The following SMYD3 variants were observed in gnomAD, a reference collection of about 807,000 sequenced individuals.
SMYD3 encodes histone-lysine N-methyltransferase SMYD3.
SMYD3 carries 36 observed loss-of-function variants against 57.7 expected under a neutral mutation model. The observed-to-expected ratio is 0.62, with a 90% CI of 0.48 to 0.82. The LOEUF is 0.82. Ranked by LOEUF, SMYD3 falls within the 40% of genes least tolerant of loss-of-function variation. SMYD3 has a pLI of 0.00. For synonymous variants in SMYD3, 211 were observed against 195.0 expected (o/e 1.08, Z -0.68); for missense variants, 515 against 538.8 (o/e 0.96, Z 0.44).
rs10581690 is a variant in SMYD3 at position 246,352,136 on chromosome 1, CAAAAAAAAA to C, written c.228+2886_228+2894del. On this transcript the variant is annotated intron_variant, in intron 2 of 11. Coordinates refer to ENST00000490107, the MANE Select transcript of SMYD3 (RefSeq NM_001167740.2). Reference sequence around the variant, plus strand: ...TGGGCAGCAGACTAAGACTCTGTCTCAAAAAAAAAAAAAAAAAAAAAAAAAAACATAAAG... The same window carrying C: ...TGGGCAGCAGACTAAGACTCTGTCTCAAAAAAAAAAAAAAAAAACATAAAG... Among the ~76,000 whole-genome samples, 20 of 60,478 alleles carry C rather than the reference CAAAAAAAAA, an allele frequency of 3.3e-4. No individual in the cohort carries two copies. In the South Asian group the frequency reaches 0.012, roughly 36 times the overall value. The allele number at this position is 60,478 out of a possible 152,430, so 39.7% of individuals were successfully genotyped here. A position where few individuals can be genotyped will look rare whatever the true frequency, so the allele number is the denominator to read the frequency against.
intron 5 of SMYD3, among the ~76,000 whole-genome samples, chr1:246,170,132 A>C (rs1049936672): frequency 1.3e-5 from 2 of 152,132 alleles, no homozygotes; most frequent in African/African-American, 4.8e-5. Flanking sequence ...CTTAAGAAAA[A>C]ATAATTTGGG....
At chr1:246,058,170 T>A (rs1007711517) in intron 5 of SMYD3, among the ~76,000 whole-genome samples, 1 of 152,226 alleles carries the variant, frequency 6.6e-6, no homozygotes, top group African/African-American at 2.4e-5. Flanking sequence ...AGTATTCATC[T>A]GTCCAAACAC....
At chr1:245,757,662 C>T (rs190391807) in intron 11 of SMYD3, among the ~76,000 whole-genome samples, 38 of 152,258 alleles carry the variant, frequency 2.5e-4, no homozygotes, top group African/African-American at 8.4e-4. Context: ...GCTTCCCCAA[C>T]ACTATTTGTT....
chr1:246,185,078 G>GA (rs2062610927), intron 5 of SMYD3, among the ~76,000 whole-genome samples: 1 of 152,188 alleles, frequency 6.6e-6, no homozygotes, highest in Non-Finnish European at 1.5e-5. Context: ...AAAAGTCACA[G>GA]ACTTCAATAA....
At chr1:246,042,510 G>C (rs1018431455) in intron 5 of SMYD3, among the ~76,000 whole-genome samples, 2 of 152,130 alleles carry the variant, frequency 1.3e-5, no homozygotes, top group African/African-American at 4.8e-5. Context: ...TGCTCTTTGG[G>C]AACACCGTTC....
At chr1:245,947,537 T>C in intron 5 of SMYD3, 1 of 390,324 alleles carries the variant, frequency 2.6e-6, no homozygotes, top group South Asian at 1.8e-5. Flanking sequence ...GTGCCTGCAT[T>C]TCTAAACCAT....
intron 5 of SMYD3, among the ~76,000 whole-genome samples, chr1:246,004,906 G>A (rs10802318): frequency 0.17 from 26,531 of 152,108 alleles, 2,611 homozygotes; most frequent in East Asian, 0.43. Flanking sequence ...GAGCAGTGGT[G>A]CAATCATGAC....
At chr1:246,334,017 C>T (rs893028788) in intron 3 of SMYD3, among the ~76,000 whole-genome samples, 1 of 151,818 alleles carries the variant, frequency 6.6e-6, no homozygotes, top group Non-Finnish European at 1.5e-5. Context: ...ATCAAAACCA[C>T]AATGAGACAC....
chr1:245,967,542 C>T (rs2058188237), intron 5 of SMYD3, among the ~76,000 whole-genome samples: 1 of 152,150 alleles, frequency 6.6e-6, no homozygotes, highest in Non-Finnish European at 1.5e-5. Context: ...GCACTGTGAA[C>T]TTGTTTCAGC....
At chr1:246,416,159 T>C (rs369210019) in intron 1 of SMYD3, among the ~76,000 whole-genome samples, 5 of 152,222 alleles carry the variant, frequency 3.3e-5, no homozygotes, top group African/African-American at 1.2e-4. Context: ...GTAAATAGTT[T>C]TAGTTTAAAC....
At chr1:245,779,531 T>A (rs1045633780) in intron 10 of SMYD3, among the ~76,000 whole-genome samples, 11 of 152,246 alleles carry the variant, frequency 7.2e-5, no homozygotes, top group African/African-American at 2.7e-4. Flanking sequence ...TATATATGCA[T>A]TTCCTATGCT....
At chr1:245,916,605 C>A (rs1168124798) in intron 7 of SMYD3, among the ~76,000 whole-genome samples, 2 of 152,160 alleles carry the variant, frequency 1.3e-5, no homozygotes, top group South Asian at 4.1e-4. Flanking sequence ...CCAGGAAATT[C>A]TGCGGGCTCC....
At chr1:246,173,958 C>T (rs1558288906) in intron 5 of SMYD3, among the ~76,000 whole-genome samples, 3 of 152,066 alleles carry the variant, frequency 2.0e-5, no homozygotes. Flanking sequence ...AGGTGCGTGT[C>T]ACCACACCTG....
chr1:246,102,755 A>AAATAAT lies in SMYD3; in HGVS notation c.532-172824_532-172819dup, dbSNP rs1553289393. Among the ~76,000 whole-genome samples the AAATAAT allele has an allele frequency of 3.4e-5, 5 of 146,924 alleles. No individual in the cohort carries two copies. In the East Asian group the frequency reaches 5.9e-4, roughly 17 times the overall value. ...AGACCTTGGCTCTCAAAAAAAAAAAAAATAATAATAATAATAATCCTACCT... is the reference window on the plus strand; with the variant it reads ...AGACCTTGGCTCTCAAAAAAAAAAAAAATAATAATAATAATAATAATAATCCTACCT... On this transcript the variant is annotated intron_variant, in intron 5 of 11. Transcript: ENST00000490107.
intron 5 of SMYD3, among the ~76,000 whole-genome samples, chr1:246,277,070 G>T (rs2064349043): frequency 6.6e-6 from 1 of 152,184 alleles, no homozygotes; most frequent in South Asian, 2.1e-4. Flanking sequence ...TATGTGTAAA[G>T]TGATTAGCAC....
chr1:246,384,060 T>C (rs2066431368), intron 1 of SMYD3, among the ~76,000 whole-genome samples: 1 of 151,924 alleles, frequency 6.6e-6, no homozygotes, highest in South Asian at 2.1e-4. Flanking sequence ...AAAAGGAGGA[T>C]GGAAAATGGA....
rs560402291 is a variant in SMYD3, at chr1:246,044,770, C to A, written c.532-114833G>T. 3.9e-4 allele frequency among the ~76,000 whole-genome samples: 59 copies of A among 152,260 alleles called. 1 individual carries two copies. Among genetic ancestry groups the A allele is most frequent in the African/African-American group, 1.3e-3 (56 of 41,554 alleles). On this transcript the variant is annotated intron_variant, in intron 5 of 11. Transcript: ENST00000490107. Reference sequence around the variant, plus strand: ...AAAAATTACTTAAACATGATAAGAACCATTCAGCAAAATTCAATAGCAGAC... The same window carrying A: ...AAAAATTACTTAAACATGATAAGAAACATTCAGCAAAATTCAATAGCAGAC...
intron 5 of SMYD3, among the ~76,000 whole-genome samples, chr1:245,951,568 CAA>C (rs746225362): frequency 7.4e-5 from 7 of 94,650 alleles, no homozygotes; most frequent in Non-Finnish European, 2.1e-5. Context: ...GGCTCTCTCT[CAA>C]AAAAAAAAAA....
chr1:246,092,798 AAAC>A (rs1166293412), intron 5 of SMYD3, among the ~76,000 whole-genome samples: 1 of 152,210 alleles, frequency 6.6e-6, no homozygotes, highest in African/African-American at 2.4e-5. Flanking sequence ...ATAGCAAACA[AAAC>A]AATCAACAGA....
Sources: allele counts gnomAD v4.1 joint callset (sites outside exome capture counted in the v4.1 genomes callset), GRCh38; gene constraint gnomAD v4.1.1; transcripts MANE v1.5; gene names NCBI Gene and HGNC (gene_info 2026-07-23, HGNC 2026-07-21).